Variants in FAM184B observed in about 807,000 individuals in gnomAD.
The protein encoded by FAM184B is family with sequence similarity 184 member B, also known as protein FAM184B.
A neutral mutation model predicts 135.9 loss-of-function variants in FAM184B; 111 were observed. The ratio of observed to expected loss-of-function variants is 0.82; its 90% CI spans 0.70 to 0.96. The LOEUF (loss-of-function observed/expected upper bound fraction) is 0.96. Among genes scored for constraint, FAM184B ranks in the 40% least tolerant of loss-of-function variants. FAM184B has a pLI of 0.00. For synonymous variants in FAM184B, 552 were observed against 524.8 expected, an observed-to-expected ratio of 1.05 and a Z score of -0.71; for missense variants, 1,375 against 1,323.9, an observed-to-expected ratio of 1.04 and a Z score of -0.60.
intron 1 of FAM184B, among the ~76,000 whole-genome samples, chr4:17,743,960 A>G (rs1277745471): frequency 6.6e-6 from 1 of 152,172 alleles, no homozygotes; most frequent in Non-Finnish European, 1.5e-5. Flanking sequence ...TCTGGGGAAA[A>G]GTCCGTTTCC....
chr4:17,773,831 C>G (rs1365841978), intron 1 of FAM184B, among the ~76,000 whole-genome samples: 1 of 152,170 alleles, frequency 6.6e-6, no homozygotes, highest in Non-Finnish European at 1.5e-5. Context: ...CCTGCCTTGG[C>G]CTCCCGAAGT....
At chr4:17,766,163 T>C (rs1408886876) in intron 1 of FAM184B, among the ~76,000 whole-genome samples, 2 of 152,220 alleles carry the variant, frequency 1.3e-5, no homozygotes, top group Non-Finnish European at 2.9e-5. Context: ...CCTGCTTTTA[T>C]TCCCTTATCT....
At chr4:17,649,733 CA>C (rs1218197156) in intron 11 of FAM184B, among the ~76,000 whole-genome samples, 1 of 151,992 alleles carries the variant, frequency 6.6e-6, no homozygotes, top group African/African-American at 2.4e-5. Context: ...AACTCTTTAC[CA>C]AATCATAAAT....
rs1283509829 is a variant in FAM184B at position 17,660,048 on chromosome 4, A to G, written c.1734T>C (p.Pro578=). The change falls in exon 9 of 18, where the codon CCT becomes CCC. Residue 578 remains proline, a synonymous_variant. Coordinates refer to ENST00000265018, the MANE Select transcript of FAM184B (RefSeq NM_015688.2). ...TCTCCTTCAACAAAGAGCCCAGTGGAGGTTGTGGGTCACTTCCCTCCTTGA... is the reference window on the plus strand; with the variant it reads ...TCTCCTTCAACAAAGAGCCCAGTGGGGGTTGTGGGTCACTTCCCTCCTTGA... ...VLLKEGSDPQ[P]PLGSLLKEKT... 17 of 1,551,420 alleles carry G rather than the reference A, an allele frequency of 1.1e-5. No individual in the cohort carries two copies. The highest frequency in any genetic ancestry group is 1.5e-5 in the Non-Finnish European group (17 of 1,146,964).
intron 8 of FAM184B, among the ~76,000 whole-genome samples, chr4:17,662,603 G>T (rs911761348): frequency 2.4e-4 from 37 of 152,214 alleles, no homozygotes; most frequent in Admixed American, 1.9e-3. Flanking sequence ...CTCCCAAAGT[G>T]CTGGGATTAC....
chr4:17,765,804 C>T (rs943285845), intron 1 of FAM184B, among the ~76,000 whole-genome samples: 3 of 152,120 alleles, frequency 2.0e-5, no homozygotes, highest in Admixed American at 6.5e-5. Flanking sequence ...GGTGGTGTGT[C>T]CAGAGTTTGT....
rs1368394086 is a variant in FAM184B at position 17,631,020 on chromosome 4, AGTT to A, written c.*1509_*1511del. ...CTGAAAAAATATTTTGCCCCCTAAA[AGTT>A]GTTATTGAGTCTTGTCAAATCACAT... On this transcript the variant is annotated 3_prime_UTR_variant, in exon 18 of 18. Coordinates refer to ENST00000265018, the MANE Select transcript of FAM184B (RefSeq NM_015688.2). The A allele has an allele frequency of 1.3e-5, 2 of 152,212 alleles. No individual in the cohort carries two copies. The highest frequency in any genetic ancestry group is 3.8e-4 in the East Asian group (2 of 5,206). 9.4% of individuals were successfully genotyped at this position (152,212 alleles called of 1,614,324 possible).
chr4:17,770,863 C>T (rs1016062452), intron 1 of FAM184B, among the ~76,000 whole-genome samples: 3 of 152,180 alleles, frequency 2.0e-5, no homozygotes, highest in African/African-American at 4.8e-5. Flanking sequence ...AGGAGATCCA[C>T]CCAAAAAGTG....
At chr4:17,731,201 G>T (rs979179332) in intron 1 of FAM184B, among the ~76,000 whole-genome samples, 6 of 152,028 alleles carry the variant, frequency 3.9e-5, no homozygotes, top group African/African-American at 1.2e-4. Context: ...AGGAACAACC[G>T]GTACCAGCCA....
intron 1 of FAM184B, among the ~76,000 whole-genome samples, chr4:17,761,454 A>G (rs1285072969): frequency 6.6e-6 from 1 of 152,216 alleles, no homozygotes. Context: ...TCATAGCCCA[A>G]GCAGATCTAT....
At chr4:17,669,410 T>C (rs1716122171) in intron 7 of FAM184B, among the ~76,000 whole-genome samples, 3 of 152,120 alleles carry the variant, frequency 2.0e-5, no homozygotes. Flanking sequence ...ATGGTGAACA[T>C]GGAAGAAAAA....
chr4:17,771,116 GT>G (rs2108997568), intron 1 of FAM184B, among the ~76,000 whole-genome samples: 1 of 152,238 alleles, frequency 6.6e-6, no homozygotes, highest in East Asian at 1.9e-4. Context: ...TTTCTCTTGG[GT>G]ATATACCTGG....
intron 14 of FAM184B, 132 bp from the exon 15 acceptor site, chr4:17,636,777 T>C (rs1425973124): frequency 5.5e-6 from 4 of 722,426 alleles, no homozygotes; most frequent in Non-Finnish European, 8.8e-6. Context: ...CAGCAGCGGC[T>C]TGCCCAGGGC....
In FAM184B at chr4:17,647,640, T is replaced by C. The variant is rs776223322; in HGVS notation, c.2343A>G (p.Thr781=). The part of the protein sequence containing the change: ...PGDSKDHIIA[T]EERGGPGQAG... ...GTGCAAGGGCGGGGGCACTGACCTCTGTGGCGATTATGTGATCCTTGCTGT... is the reference window on the plus strand; with the variant it reads ...GTGCAAGGGCGGGGGCACTGACCTCCGTGGCGATTATGTGATCCTTGCTGT... Residue 781 remains threonine (T), a synonymous_variant, in exon 12 of 18, where the codon ACA becomes ACG. Coordinates refer to ENST00000265018, the MANE Select transcript of FAM184B (RefSeq NM_015688.2). 1.2e-4 allele frequency: 184 copies of C among 1,549,608 alleles called. No homozygotes were observed. The highest frequency in any genetic ancestry group is 1.6e-4 in the Non-Finnish European group (180 of 1,146,548).
At chr4:17,711,785 A>G (rs1334361782) in intron 1 of FAM184B, among the ~76,000 whole-genome samples, 1 of 152,100 alleles carries the variant, frequency 6.6e-6, no homozygotes, top group Non-Finnish European at 1.5e-5. Context: ...CCTCATGGGG[A>G]TAGGATGGAA....
chr4:17,711,790 A>T (rs1577272061), intron 1 of FAM184B, among the ~76,000 whole-genome samples: 2 of 152,274 alleles, frequency 1.3e-5, no homozygotes, highest in South Asian at 4.2e-4. Flanking sequence ...TGGGGATAGG[A>T]TGGAAGGAAG....
chr4:17,708,695 A>AG (rs1359682206), intron 2 of FAM184B, among the ~76,000 whole-genome samples, 197 bp downstream of exon 2: 15 of 51,872 alleles, frequency 2.9e-4, no homozygotes, highest in East Asian at 8.7e-4. Flanking sequence ...ATATATATAT[A>AG]TATATATATA....
intron 10 of FAM184B, among the ~76,000 whole-genome samples, chr4:17,653,975 G>C (rs1460060312): frequency 1.6e-4 from 23 of 141,924 alleles, no homozygotes; most frequent in Admixed American, 1.6e-3. Flanking sequence ...AATGCAGGAA[G>C]GGACCAGAAG....
intron 7 of FAM184B, among the ~76,000 whole-genome samples, chr4:17,686,743 A>C (rs573750578): frequency 6.6e-6 from 1 of 152,342 alleles, no homozygotes; most frequent in South Asian, 2.1e-4. Flanking sequence ...GGAGTTCGAG[A>C]CTAGCCTGGC....
Sources: gnomAD v4.1 joint callset for allele counts (sites outside exome capture counted in the v4.1 genomes callset) on GRCh38, gnomAD v4.1.1 for gene constraint, MANE v1.5 for transcripts, NCBI Gene and HGNC (gene_info 2026-07-23, HGNC 2026-07-21) for gene names.